The following SLC30A10 variants were observed in gnomAD, a reference collection of about 807,000 sequenced individuals.
SLC30A10 encodes the protein solute carrier family 30 member 10, also known as calcium/manganese antiporter SLC30A10.
A neutral mutation model predicts 21.7 loss-of-function variants in SLC30A10; 8 were observed. That is an observed-to-expected ratio of 0.37 (90% CI 0.22 to 0.67). The LOEUF is 0.67. SLC30A10 is among the 30% of genes least tolerant of loss of function. The pLI, the probability that SLC30A10 is intolerant of heterozygous loss-of-function variation, is 0.58. For synonymous variants in SLC30A10, 272 were observed against 279.4 expected, an observed-to-expected ratio of 0.97 and a Z score of 0.26; for missense variants, 521 against 642.5, an observed-to-expected ratio of 0.81 and a Z score of 2.04.
In SLC30A10 at chr1:219,913,868, G is replaced by A. The variant is rs567890666; in HGVS notation, c.*1581C>T. 2.0e-5 allele frequency: 3 copies of A among 152,290 alleles called. No individual in the cohort carries two copies. In the East Asian group the frequency reaches 5.8e-4, roughly 29 times the overall value. 9.4% of individuals were successfully genotyped at this position (152,290 alleles called of 1,614,324 possible). ...GGCCAAGGCGAGAGAATCACTTGAGGCTAGGAGTTCAAGGCCAGCTGGGCA... is the reference window on the plus strand; with the variant it reads ...GGCCAAGGCGAGAGAATCACTTGAGACTAGGAGTTCAAGGCCAGCTGGGCA... On this transcript the variant is annotated 3_prime_UTR_variant, in exon 4 of 4. Coordinates refer to ENST00000366926, the MANE Select transcript of SLC30A10 (RefSeq NM_018713.3).
rs894230499 is a variant in SLC30A10 at position 219,918,205 on chromosome 1, G to A, written c.958+50C>T. ...TTAAATAATGCTTGTCCTTTGGCCT[G>A]AATAACATTAAATTGAGAGTGGTTC... is the stretch of plus-strand genomic sequence containing the variant. On this transcript the variant is annotated intron_variant, in intron 3 of 3. Transcript: ENST00000366926. This position sits in a 1 kb window ranked among gnomAD's most constrained non-coding sequence, Gnocchi z 4.4. 1 of 1,594,696 alleles carries A rather than the reference G, an allele frequency of 6.3e-7. No individual in the cohort carries two copies. Among genetic ancestry groups the A allele is most frequent in the Non-Finnish European group, 8.5e-7 (1 of 1,170,048 alleles).
chr1:219,951,852 T>C (rs1359800791), intron 1 of SLC30A10, among the ~76,000 whole-genome samples: 1 of 152,040 alleles, frequency 6.6e-6, no homozygotes, highest in Non-Finnish European at 1.5e-5. Context: ...CCTCCTGTCT[T>C]GGCCTCCCAA....
upstream of SLC30A10, among the ~76,000 whole-genome samples, chr1:219,928,857 C>A (rs1659917228): frequency 6.6e-6 from 1 of 152,310 alleles, no homozygotes. The surrounding 1 kb of genome is among the most constrained non-coding windows in gnomAD (Gnocchi z 6.3). Flanking sequence ...ACCCAGACAC[C>A]CCGCTTCTCC....
chr1:219,917,548 T>C (rs1225901363), intron 3 of SLC30A10, among the ~76,000 whole-genome samples: 1 of 152,050 alleles, frequency 6.6e-6, no homozygotes, highest in Non-Finnish European at 1.5e-5. Flanking sequence ...GAAAGCAGGG[T>C]CTAGAATATG....
chr1:219,928,875 C>A (rs1053713308), upstream of SLC30A10, among the ~76,000 whole-genome samples: 2 of 152,232 alleles, frequency 1.3e-5, no homozygotes, highest in Admixed American at 1.3e-4. This position sits in a 1 kb window ranked among gnomAD's most constrained non-coding sequence, Gnocchi z 6.3. Flanking sequence ...TCCTGGCCCT[C>A]AGGGTCGCCA....
rs929362722 is a variant in SLC30A10 at position 219,911,046 on chromosome 1, T to G, written c.*4403A>C. 6.6e-6 allele frequency among the ~76,000 whole-genome samples: 1 copy of G among 151,768 alleles called. No homozygotes were observed. Among genetic ancestry groups the G allele is most frequent in the African/African-American group, 2.4e-5 (1 of 41,320 alleles). On this transcript the variant is annotated 3_prime_UTR_variant, in exon 4 of 4. Coordinates refer to ENST00000366926, the MANE Select transcript of SLC30A10 (RefSeq NM_018713.3). Reference sequence around the variant, plus strand: ...ACTAAGAAGCACAAATACGTGACACTTTATCAGGTGCATGACTTCTATAGA... The same window carrying G: ...ACTAAGAAGCACAAATACGTGACACGTTATCAGGTGCATGACTTCTATAGA...
rs765095704 is a variant in SLC30A10, at chr1:219,927,844, T to C, written c.597A>G (p.Glu199=). The C allele has an allele frequency of 8.8e-5, 136 of 1,547,920 alleles. No individual in the cohort carries two copies. The highest frequency in any genetic ancestry group is 1.2e-4 in the Non-Finnish European group (136 of 1,147,318). Residue 199 remains glutamate (E), a synonymous_variant, in exon 1 of 4, where the codon GAA becomes GAG. Transcript: ENST00000366926. Reference sequence around the variant, plus strand: ...CGGTCGCCCCCTTCTCCCGCTTCCTTTCCACCGAGGTCCCCCGGAGGGTTA... The same window carrying C: ...CGGTCGCCCCCTTCTCCCGCTTCCTCTCCACCGAGGTCCCCCGGAGGGTTA... ...SAVTLRGTSV[E]RKREKGATVF...
At chr1:219,954,254 T>C (rs1660313676) in intron 1 of SLC30A10, among the ~76,000 whole-genome samples, 1 of 152,082 alleles carries the variant, frequency 6.6e-6, no homozygotes. Flanking sequence ...GTTAAAACCT[T>C]CTGCAACAAT....
intron 1 of SLC30A10, among the ~76,000 whole-genome samples, chr1:219,942,930 G>A (rs769881303): frequency 1.3e-4 from 20 of 152,106 alleles, no homozygotes; most frequent in Non-Finnish European, 2.5e-4. Flanking sequence ...CTGTAATCCC[G>A]GCTACTTGGG....
chr1:219,946,657 C>T (rs1660189561), intron 1 of SLC30A10, among the ~76,000 whole-genome samples: 2 of 152,032 alleles, frequency 1.3e-5, no homozygotes, highest in Non-Finnish European at 1.5e-5. Flanking sequence ...CCTGGGCTTC[C>T]TCCTTCCAAC....
At position 219,914,864 on chromosome 1, in the gene SLC30A10, C is replaced by T. The variant is rs1028275386; in HGVS notation, c.*585G>A. Reference sequence around the variant, plus strand: ...GAGATGGCCAACGCCCTCCTACTAACCTTTACCTCCTCTAGAATGTTCTGA... The same window carrying T: ...GAGATGGCCAACGCCCTCCTACTAATCTTTACCTCCTCTAGAATGTTCTGA... On this transcript the variant is annotated 3_prime_UTR_variant, in exon 4 of 4. Coordinates refer to ENST00000366926, the MANE Select transcript of SLC30A10 (RefSeq NM_018713.3). The T allele has an allele frequency of 6.6e-6, 1 of 152,462 alleles. No homozygotes were observed. Among genetic ancestry groups the T allele is most frequent in the Non-Finnish European group, 1.5e-5 (1 of 68,268 alleles). 9.4% of individuals were successfully genotyped at this position (152,462 alleles called of 1,614,324 possible).
Position 219,911,149 on chromosome 1 carries a change from G to GTTTTTTTTTTTTTTTTTTTTTTTTTTTTT in SLC30A10, c.*4299_*4300insAAAAAAAAAAAAAAAAAAAAAAAAAAAAA. ...ATGTTTCTTCATTTTTTCTACATCA[G>GTTTTTTTTTTTTTTTTTTTTTTTTTTTTT]TTTTTTTTTTTTTTTTTTTTTTTTT... On this transcript the variant is annotated 3_prime_UTR_variant, in exon 4 of 4. Coordinates refer to ENST00000366926, the MANE Select transcript of SLC30A10 (RefSeq NM_018713.3). Among the ~76,000 whole-genome samples the GTTTTTTTTTTTTTTTTTTTTTTTTTTTTT allele has an allele frequency of 3.4e-4, 17 of 49,418 alleles. No individual in the cohort carries two copies. The highest frequency in any genetic ancestry group is 9.8e-4 in the South Asian group (1 of 1,020). The allele number at this position is 49,418 out of a possible 152,430, so 32.4% of individuals were successfully genotyped here.
At chr1:219,941,257 C>A (rs1660116274) in intron 1 of SLC30A10, among the ~76,000 whole-genome samples, 1 of 152,202 alleles carries the variant, frequency 6.6e-6, no homozygotes. Flanking sequence ...GCAGAAACAA[C>A]AAGACAAATT....
Position 219,927,124 on chromosome 1 carries a change from C to G in SLC30A10, c.641-19G>C. The G allele has an allele frequency of 6.2e-7, 1 of 1,613,386 alleles. No homozygotes were observed. The highest frequency in any genetic ancestry group is 8.5e-7 in the Non-Finnish European group (1 of 1,179,550). ...GAATCACCTGCATTCAAAGAAGAAA[C>G]CTTGTGTTGTGTATAAGTTCTACAA... On this transcript the variant is annotated intron_variant, in intron 1 of 3. Coordinates refer to ENST00000366926, the MANE Select transcript of SLC30A10 (RefSeq NM_018713.3).
intron 3 of SLC30A10, among the ~76,000 whole-genome samples, chr1:219,916,493 T>C (rs1659546322): frequency 6.6e-6 from 1 of 152,216 alleles, no homozygotes; most frequent in Admixed American, 6.5e-5. Context: ...TTTAAGGATA[T>C]GAGAAAATGT....
chr1:219,949,842 CA>C (rs1364872236), intron 1 of SLC30A10, among the ~76,000 whole-genome samples: 3 of 152,032 alleles, frequency 2.0e-5, no homozygotes, highest in African/African-American at 7.2e-5. Flanking sequence ...ACAATGTTTT[CA>C]AAAAGCCACA....
At chr1:219,924,702 A>T (rs180755536) in intron 2 of SLC30A10, among the ~76,000 whole-genome samples, 15 of 152,358 alleles carry the variant, frequency 9.8e-5, no homozygotes, top group Admixed American at 9.2e-4. Context: ...CAGTAAGATT[A>T]ATGTGACTAC....
upstream of SLC30A10, among the ~76,000 whole-genome samples, chr1:219,932,457 CT>C (rs1377595526): frequency 1.3e-5 from 2 of 151,976 alleles, no homozygotes; most frequent in African/African-American, 4.8e-5. Context: ...GTAAAAGCAT[CT>C]GTTTTTGTTT....
chr1:219,914,907 ATAGT>A lies in SLC30A10; in HGVS notation c.*538_*541del, dbSNP rs750725640. The A allele has an allele frequency of 1.4e-4, 21 of 153,868 alleles. No individual in the cohort carries two copies. The highest frequency in any genetic ancestry group is 1.7e-4 in the Non-Finnish European group (12 of 69,222). The allele number at this position is 153,868 out of a possible 1,614,324, so 9.5% of individuals were successfully genotyped here. On this transcript the variant is annotated 3_prime_UTR_variant, in exon 4 of 4. Transcript: ENST00000366926. ...TGTTCTGAGAATATTTTCTACCTTA[ATAGT>A]TATTCATTTTATATTTATTCAAAAA...
Sources: allele counts gnomAD v4.1 joint callset (sites outside exome capture counted in the v4.1 genomes callset), GRCh38; gene constraint gnomAD v4.1.1; non-coding constraint Gnocchi (gnomAD v3.1); transcripts MANE v1.5; gene names NCBI Gene and HGNC (gene_info 2026-07-23, HGNC 2026-07-21).